SHC3: variants seen among roughly 807,000 people sequenced by gnomAD.
SHC3 encodes the protein SHC adaptor protein 3, also known as SHC-transforming protein 3.
In SHC3, 15 loss-of-function variants were observed where a neutral mutation model predicts 60.4. The ratio of observed to expected loss-of-function variants is 0.25; its 90% CI spans 0.17 to 0.38. SHC3 has a LOEUF of 0.38. Ranked by LOEUF, SHC3 falls within the 10% of genes least tolerant of loss-of-function variation. SHC3 has a pLI of 1.00. For synonymous variants in SHC3, 294 were observed against 325.9 expected (o/e 0.90, Z 1.05); for missense variants, 677 against 786.1 (o/e 0.86, Z 1.66).
intron 11 of SHC3, among the ~76,000 whole-genome samples, chr9:89,022,371 C>CG (rs1467410322): frequency 2.6e-5 from 4 of 152,154 alleles, no homozygotes; most frequent in Non-Finnish European, 4.4e-5. Context: ...GTCTGGCCAC[C>CG]GTCACCTGTG....
intron 5 of SHC3, among the ~76,000 whole-genome samples, chr9:89,065,801 G>A (rs1409598409): frequency 6.6e-6 from 1 of 152,100 alleles, no homozygotes; most frequent in Non-Finnish European, 1.5e-5. Context: ...CAGCAGGTCA[G>A]GGGTAGGGTC....
chr9:89,166,834 T>A (rs927934728), intron 1 of SHC3, among the ~76,000 whole-genome samples: 1 of 152,090 alleles, frequency 6.6e-6, no homozygotes, highest in African/African-American at 2.4e-5. Flanking sequence ...TCCCTGTATA[T>A]GTAATTATAA....
intron 1 of SHC3, among the ~76,000 whole-genome samples, chr9:89,144,597 G>C (rs908302035): frequency 6.6e-6 from 1 of 152,210 alleles, no homozygotes; most frequent in African/African-American, 2.4e-5. Context: ...TTGCTGACCA[G>C]GGCTACTTCT....
At chr9:89,146,274 T>C (rs1826467711) in intron 1 of SHC3, among the ~76,000 whole-genome samples, 1 of 151,852 alleles carries the variant, frequency 6.6e-6, no homozygotes. Flanking sequence ...GGAGACTCTC[T>C]GGAACCTGGG....
intron 1 of SHC3, among the ~76,000 whole-genome samples, chr9:89,126,293 G>A (rs1329298185): frequency 6.6e-6 from 1 of 152,172 alleles, no homozygotes. Context: ...CTGAACTTGG[G>A]TTCAAGGCCC....
At chr9:89,033,026 C>CA (rs1038750366) in intron 11 of SHC3, among the ~76,000 whole-genome samples, 1 of 109,094 alleles carries the variant, frequency 9.2e-6, no homozygotes, top group Non-Finnish European at 2.2e-5. Context: ...AGCCCCCCCA[C>CA]CGAAGAACAG....
intron 2 of SHC3, among the ~76,000 whole-genome samples, chr9:89,105,848 T>C (rs773868988): frequency 6.6e-6 from 1 of 152,196 alleles, no homozygotes; most frequent in Non-Finnish European, 1.5e-5. Context: ...ATCAAACCAA[T>C]CTTTCCCTTC....
At chr9:89,169,119 T>C (rs1300395401) in intron 1 of SHC3, among the ~76,000 whole-genome samples, 5 of 152,314 alleles carry the variant, frequency 3.3e-5, no homozygotes, top group South Asian at 4.1e-4. Context: ...CTTGGTTCTG[T>C]TTCTCTGAAG....
In SHC3 at chr9:89,075,193, C is replaced by T. The variant is rs750160233; in HGVS notation, c.645G>A (p.Lys215=). 1 of 1,613,918 alleles carries T rather than the reference C, an allele frequency of 6.2e-7. No individual in the cohort carries two copies. Among genetic ancestry groups the T allele is most frequent in the Non-Finnish European group, 8.5e-7 (1 of 1,179,920 alleles). ...TCATTCCCGCAAACTGGAGGTTGCT[C>T]TTTCCCAAGATGCTGGACAGCATTT... ...PSKMLSSILG[K]SNLQFAGMSI... is the part of the protein sequence containing the mutation. Residue 215 remains lysine, a synonymous_variant, in exon 4 of 12, where the codon AAG becomes AAA. Transcript: ENST00000375835.
At chr9:89,083,788 C>T (rs1194142335) in intron 2 of SHC3, among the ~76,000 whole-genome samples, 2 of 152,154 alleles carry the variant, frequency 1.3e-5, no homozygotes, top group East Asian at 3.9e-4. Flanking sequence ...GTCATTTTCT[C>T]CATCCCGAAG....
intron 2 of SHC3, among the ~76,000 whole-genome samples, chr9:89,093,793 A>G (rs918817967): frequency 1.3e-5 from 2 of 152,132 alleles, no homozygotes; most frequent in Non-Finnish European, 2.9e-5. Context: ...TAAAACTCCA[A>G]TGAACAACAC....
At chr9:89,171,563 A>G (rs1826869363) in intron 1 of SHC3, among the ~76,000 whole-genome samples, 3 of 152,206 alleles carry the variant, frequency 2.0e-5, no homozygotes, top group African/African-American at 4.8e-5. Flanking sequence ...CTTCGGGGAA[A>G]CCATGCATTT....
intron 2 of SHC3, among the ~76,000 whole-genome samples, chr9:89,094,341 A>T (rs1825668871): frequency 6.6e-6 from 1 of 152,144 alleles, no homozygotes; most frequent in African/African-American, 2.4e-5. Context: ...AGAGTTGCCC[A>T]CGTTCTCAGG....
intron 11 of SHC3, among the ~76,000 whole-genome samples, chr9:89,034,117 T>C (rs1156978858): frequency 6.6e-6 from 1 of 152,226 alleles, no homozygotes; most frequent in Admixed American, 6.5e-5. Flanking sequence ...TGTGTAATTC[T>C]CCATATTAAC....
chr9:89,075,009 A>G, intron 4 of SHC3, 100 bp downstream of exon 4: 4 of 1,453,514 alleles, frequency 2.8e-6, no homozygotes, highest in African/African-American at 1.4e-5. Context: ...TTGACACAAA[A>G]TATGCTATGT....
intron 7 of SHC3, among the ~76,000 whole-genome samples, chr9:89,050,013 T>G (rs1295860743): frequency 6.6e-6 from 1 of 152,266 alleles, no homozygotes; most frequent in Admixed American, 6.5e-5. Flanking sequence ...ATTTTTCTTT[T>G]ATCAATTACA....
At chr9:89,086,370 T>C (rs1270072914) in intron 2 of SHC3, among the ~76,000 whole-genome samples, 1 of 152,194 alleles carries the variant, frequency 6.6e-6, no homozygotes, top group East Asian at 1.9e-4. Context: ...GTTCAATTAA[T>C]TTGCGAGAAC....
intron 2 of SHC3, among the ~76,000 whole-genome samples, chr9:89,079,374 AT>A (rs1258011797): frequency 2.6e-5 from 4 of 152,196 alleles, no homozygotes; most frequent in Non-Finnish European, 5.9e-5. Context: ...GCTGCATTGT[AT>A]TTCTTATATT....
At chr9:89,174,521 T>G (rs1377855616) in intron 1 of SHC3, among the ~76,000 whole-genome samples, 3 of 152,260 alleles carry the variant, frequency 2.0e-5, no homozygotes, top group African/African-American at 7.2e-5. Context: ...GCTCACTGAA[T>G]GCTGACGCTG....
Sources: allele counts gnomAD v4.1 joint callset (sites outside exome capture counted in the v4.1 genomes callset), GRCh38; gene constraint gnomAD v4.1.1; transcripts MANE v1.5; gene names NCBI Gene and HGNC (gene_info 2026-07-23, HGNC 2026-07-21).